The following FAT4 variants were observed in gnomAD, a reference collection of about 807,000 sequenced individuals.
FAT4 encodes protocadherin Fat 4.
FAT4 carries 84 observed loss-of-function variants against 303.9 expected under a neutral mutation model. That is an observed-to-expected ratio of 0.28 (90% CI 0.23 to 0.33). FAT4 has a LOEUF of 0.33. Among genes scored for constraint, FAT4 ranks in the 10% least tolerant of loss-of-function variants. The pLI, the probability that FAT4 is intolerant of heterozygous loss-of-function variation, is 1.00. For synonymous variants in FAT4, 2,307 were observed against 2,298.8 expected (o/e 1.00, Z -0.10); for missense variants, 6,005 against 6,146.8 (o/e 0.98, Z 0.77).
intron 2 of FAT4, among the ~76,000 whole-genome samples, chr4:125,380,073 A>G (rs1008942111): frequency 1.3e-5 from 2 of 151,930 alleles, no homozygotes; most frequent in Non-Finnish European, 2.9e-5. Flanking sequence ...TTGTATTTTT[A>G]GTAGAGACAG....
chr4:125,327,089 A>G (rs1018556077), intron 2 of FAT4, among the ~76,000 whole-genome samples: 1 of 152,182 alleles, frequency 6.6e-6, no homozygotes, highest in African/African-American at 2.4e-5. Context: ...TTTGCCTACC[A>G]CAGCTAAGGC....
chr4:125,401,394 T>G (rs1734381724), intron 3 of FAT4, among the ~76,000 whole-genome samples: 1 of 151,932 alleles, frequency 6.6e-6, no homozygotes, highest in African/African-American at 2.4e-5. Flanking sequence ...TTAGCCAAAT[T>G]TTGGGGAAAA....
At position 125,451,598 on chromosome 4, in the gene FAT4, A is replaced by G; in HGVS notation, c.10588A>G (p.Met3530Val). ...MENKRPGTLVMTLQSTDPDLP... is the reference protein window; with the variant it reads ...MENKRPGTLVVTLQSTDPDLP... ...AAACAAACGGCCAGGCACTTTGGTGATGACCCTTCAGTCCACTGACCCTGA... is the reference window on the plus strand; with the variant it reads ...AAACAAACGGCCAGGCACTTTGGTGGTGACCCTTCAGTCCACTGACCCTGA... The change falls in exon 10 of 18, where the codon ATG (methionine) becomes GTG (valine). Residue 3530 changes from methionine (M) to valine (V), a missense_variant. Physicochemically the swap from Met to Val is conservative, Grantham distance 21 (BLOSUM62 1). Coordinates refer to ENST00000394329, the MANE Select transcript of FAT4 (RefSeq NM_001291303.3). The G allele has an allele frequency of 6.2e-7, 1 of 1,614,138 alleles. No individual in the cohort carries two copies. Among genetic ancestry groups the G allele is most frequent in the Non-Finnish European group, 8.5e-7 (1 of 1,180,018 alleles).
At chr4:125,367,164 C>T (rs929343679) in intron 2 of FAT4, among the ~76,000 whole-genome samples, 1 of 151,956 alleles carries the variant, frequency 6.6e-6, no homozygotes, top group African/African-American at 2.4e-5. Flanking sequence ...AAATATGCAT[C>T]AAATGTTATC....
intron 16 of FAT4, among the ~76,000 whole-genome samples, chr4:125,485,660 C>A (rs1727383284): frequency 6.6e-6 from 1 of 152,112 alleles, no homozygotes; most frequent in South Asian, 2.1e-4. Flanking sequence ...TTTTTTATAT[C>A]ATTAGAAGCA....
rs1208196649 is a variant in FAT4 at position 125,449,627 on chromosome 4, A to G, written c.8617A>G (p.Arg2873Gly). The G allele has an allele frequency of 1.2e-6, 2 of 1,613,852 alleles. No homozygotes were observed. Among genetic ancestry groups the G allele is most frequent in the Non-Finnish European group, 1.7e-6 (2 of 1,179,942 alleles). The change falls in exon 10 of 18, where the codon AGA (arginine) becomes GGA (glycine). Residue 2873 changes from arginine (R) to glycine (G), a missense_variant. Arg to Gly is a moderately radical substitution (Grantham distance 125). Coordinates refer to ENST00000394329, the MANE Select transcript of FAT4 (RefSeq NM_001291303.3). ...FVTDINDNAP[R>G]FSRTSYYLDC... ...GACAGACATCAATGACAATGCTCCA[A>G]GATTTAGCAGAACTTCCTATTATTT...
At chr4:125,472,843 G>A (rs546252471) in intron 12 of FAT4, among the ~76,000 whole-genome samples, 21 of 152,202 alleles carry the variant, frequency 1.4e-4, no homozygotes, top group African/African-American at 4.6e-4. Context: ...CACGGATATC[G>A]CCACATCCAT....
At chr4:125,348,063 A>C (rs1030181685) in intron 2 of FAT4, among the ~76,000 whole-genome samples, 4 of 151,836 alleles carry the variant, frequency 2.6e-5, no homozygotes, top group African/African-American at 9.7e-5. Context: ...CACATCACTC[A>C]GTCCCTGAAC....
At position 125,452,273 on chromosome 4, in the gene FAT4, G is replaced by A. The variant is rs775501575; in HGVS notation, c.11263G>A (p.Ala3755Thr). The A allele has an allele frequency of 2.0e-5, 33 of 1,614,120 alleles. No homozygotes were observed. Among genetic ancestry groups the A allele is most frequent in the African/African-American group, 2.7e-5 (2 of 74,932 alleles). The change falls in exon 10 of 18, where the codon GCA becomes ACA. Residue 3755 changes from alanine to threonine, a missense_variant. Transcript: ENST00000394329. ...GLGTAVQLYSAYEENNRTFLL... is the reference protein window; with the variant it reads ...GLGTAVQLYSTYEENNRTFLL... ...AGGGACTGCTGTGCAACTGTACAGT[G>A]CATATGAAGAGAACAATAGAACGTT... is the stretch of plus-strand genomic sequence containing the variant.
intron 17 of FAT4, 119 bp downstream of exon 17, chr4:125,487,725 A>C: frequency 1.1e-6 from 1 of 948,504 alleles, no homozygotes; most frequent in Non-Finnish European, 1.4e-6. Flanking sequence ...GAACAATTTC[A>C]TTCAATAAAA....
rs538957414 is a variant in FAT4 at position 125,358,920 on chromosome 4, A to G, written c.5175+37334A>G. On this transcript the variant is annotated intron_variant, in intron 2 of 17. Transcript: ENST00000394329. ...ACATTGTACTTTTACTAGGACCTAT[A>G]TTGTAGGTATTATAAATCATACAAA... Among the ~76,000 whole-genome samples the G allele has an allele frequency of 3.9e-5, 6 of 152,312 alleles. No individual in the cohort carries two copies. In the East Asian group the frequency reaches 9.6e-4, roughly 24 times the overall value.
rs1267504746 is a variant in FAT4, at chr4:125,449,310, A to G, written c.8300A>G (p.Asp2767Gly). Residue 2767 changes from aspartate (D) to glycine (G), a missense_variant, in exon 10 of 18, where the codon GAT (aspartate) becomes GGT (glycine). Physicochemically the swap from Asp to Gly is moderately conservative, Grantham distance 94. Coordinates refer to ENST00000394329, the MANE Select transcript of FAT4 (RefSeq NM_001291303.3). Reference sequence around the variant, plus strand: ...GTAAAAGTCATGATTAACATTTTAGATGAAAATGATAATGCCCCTAGGTTT... The same window carrying G: ...GTAAAAGTCATGATTAACATTTTAGGTGAAAATGATAATGCCCCTAGGTTT... ...TSVKVMINIL[D>G]ENDNAPRFSQ... The G allele has an allele frequency of 1.9e-6, 3 of 1,613,994 alleles. No homozygotes were observed. Among genetic ancestry groups the G allele is most frequent in the Non-Finnish European group, 2.5e-6 (3 of 1,179,928 alleles).
Position 125,321,556 on chromosome 4 carries a change from A to G in FAT4, c.5145A>G (p.Ser1715=). The G allele has an allele frequency of 6.2e-7, 1 of 1,611,844 alleles. No homozygotes were observed. Among genetic ancestry groups the G allele is most frequent in the African/African-American group, 1.3e-5 (1 of 74,918 alleles). ...TGGATGTTTATGCCATAGAAAAATC[A>G]ACTGCTTTTCCCAGAACACAGAGAG... ...YLVDVYAIEK[S]TAFPRTQRAE... is the part of the protein sequence containing the mutation. Residue 1715 remains serine, a synonymous_variant, in exon 2 of 18, where the codon TCA becomes TCG. Transcript: ENST00000394329.
rs190272625 is a variant in FAT4 at position 125,468,935 on chromosome 4, T to C, written c.12213+116T>C. The C allele has an allele frequency of 1.9e-4, 222 of 1,142,608 alleles. 2 individuals carry two copies. In the East Asian group the frequency reaches 5.4e-3, roughly 28 times the overall value. 70.8% of individuals were successfully genotyped at this position (1,142,608 alleles called of 1,614,324 possible). A position where few individuals can be genotyped will look rare whatever the true frequency, so the allele number is the denominator to read the frequency against. The stretch of plus-strand genomic sequence containing the variant: ...ATTCATTAAATGAACACTTTAGTTA[T>C]GAAAAACTTAGACATAATATTTTTC... On this transcript the variant is annotated intron_variant, in intron 12 of 17. Coordinates refer to ENST00000394329, the MANE Select transcript of FAT4 (RefSeq NM_001291303.3).
intron 5 of FAT4, among the ~76,000 whole-genome samples, chr4:125,411,062 T>C (rs1403099095): frequency 6.6e-6 from 1 of 152,046 alleles, no homozygotes; most frequent in Non-Finnish European, 1.5e-5. Context: ...CAGACAATAT[T>C]AGTCAGACAT....
intron 12 of FAT4, among the ~76,000 whole-genome samples, chr4:125,475,574 T>TGTA (rs1726999328): frequency 6.6e-6 from 1 of 152,092 alleles, no homozygotes; most frequent in Non-Finnish European, 1.5e-5. Flanking sequence ...TATACAGAAA[T>TGTA]ATGCTGTAAT....
intron 2 of FAT4, among the ~76,000 whole-genome samples, chr4:125,344,692 GA>G: frequency 6.6e-6 from 1 of 152,034 alleles, no homozygotes; most frequent in Non-Finnish European, 1.5e-5. Context: ...ACACCCTGAT[GA>G]AAAAAATCTT....
intron 2 of FAT4, chr4:125,393,947 G>A (rs1190754800): frequency 1.3e-6 from 1 of 780,088 alleles, no homozygotes; most frequent in East Asian, 2.4e-5. Context: ...TGGTAACAAC[G>A]GTAGTGGCAG....
In FAT4 at chr4:125,477,240, A is replaced by G. The variant is rs1294543516; in HGVS notation, c.12385A>G (p.Ser4129Gly). 4 of 1,554,058 alleles carry G rather than the reference A, an allele frequency of 2.6e-6. No homozygotes were observed. Among genetic ancestry groups the G allele is most frequent in the African/African-American group, 1.4e-5 (1 of 71,276 alleles). ...PILQRRGHVE[S>G]HDFVGCIMEF... ...CCTTCAGAGAAGAGGACACGTGGAA[A>G]GCCATGATTTTGTTGGGTGTATAAT... Residue 4129 changes from serine to glycine, a missense_variant, in exon 14 of 18, where the codon AGC (serine) becomes GGC (glycine). Transcript: ENST00000394329.
Sources: allele counts gnomAD v4.1 joint callset (sites outside exome capture counted in the v4.1 genomes callset), GRCh38; gene constraint gnomAD v4.1.1; transcripts MANE v1.5; gene names NCBI Gene and HGNC (gene_info 2026-07-23, HGNC 2026-07-21).